MOB3B: variants seen among roughly 807,000 people sequenced by gnomAD.
MOB3B encodes the protein MOB kinase activator 3B.
In MOB3B, 7 loss-of-function variants were observed where a neutral mutation model predicts 18.7. That is an observed-to-expected ratio of 0.37 (90% confidence interval 0.21 to 0.70). The LOEUF (loss-of-function observed/expected upper bound fraction) is 0.70. MOB3B is among the 30% of genes least tolerant of loss of function. MOB3B has a pLI of 0.52. For synonymous variants in MOB3B, 111 were observed against 99.9 expected (o/e 1.11, Z -0.66); for missense variants, 253 against 281.3 (o/e 0.90, Z 0.72).
At chr9:27,398,379 T>A (rs1821831087) in intron 2 of MOB3B, among the ~76,000 whole-genome samples, 2 of 152,268 alleles carry the variant, frequency 1.3e-5, no homozygotes, top group Non-Finnish European at 1.5e-5. Flanking sequence ...GGGCAAGTTA[T>A]CTAATCTAGA....
At chr9:27,417,288 T>C (rs1445535522) in intron 2 of MOB3B, among the ~76,000 whole-genome samples, 1 of 152,138 alleles carries the variant, frequency 6.6e-6, no homozygotes, top group Admixed American at 6.6e-5. Flanking sequence ...GGTGTGAACC[T>C]GGGAGGCGGA....
rs529296587 is a variant in MOB3B, at chr9:27,358,943, A to G, written c.621+91T>C. 1.2e-4 allele frequency: 158 copies of G among 1,306,404 alleles called. No homozygotes were observed. The African/African-American group carries it at 1.4e-3, about 12-fold the overall frequency. 80.9% of individuals were successfully genotyped at this position (1,306,404 alleles called of 1,614,324 possible). The stretch of plus-strand genomic sequence containing the variant: ...CCCTCAGGCTAACAGCTAGCCATCA[A>G]TGAGCATTTTCCAGGGATTGACAAT... On this transcript the variant is annotated intron_variant, in intron 3 of 3. Coordinates refer to ENST00000262244, the MANE Select transcript of MOB3B (RefSeq NM_024761.5).
chr9:27,358,986 C>G (rs756636442), intron 3 of MOB3B, 48 bp downstream of exon 3: 1 of 1,580,142 alleles, frequency 6.3e-7, no homozygotes, highest in Non-Finnish European at 8.7e-7. Context: ...GACAAATGGC[C>G]GAGCTCCTGG....
intron 2 of MOB3B, among the ~76,000 whole-genome samples, chr9:27,386,385 A>C (rs1165730467): frequency 6.6e-6 from 1 of 152,228 alleles, no homozygotes; most frequent in Non-Finnish European, 1.5e-5. Flanking sequence ...ATGTTCAGTA[A>C]CAGCAACAAC....
At chr9:27,431,251 A>G (rs906108416) in intron 2 of MOB3B, among the ~76,000 whole-genome samples, 1 of 152,252 alleles carries the variant, frequency 6.6e-6, no homozygotes, top group African/African-American at 2.4e-5. Context: ...AAAGTTAAAC[A>G]AACATATTCC....
intron 2 of MOB3B, among the ~76,000 whole-genome samples, chr9:27,431,728 T>C (rs1234153347): frequency 6.6e-6 from 1 of 152,226 alleles, no homozygotes; most frequent in East Asian, 1.9e-4. Context: ...TCTGGGATTC[T>C]GAAATGCAAA....
At chr9:27,456,912 C>T (rs547298037) in intron 1 of MOB3B, among the ~76,000 whole-genome samples, 13 of 152,330 alleles carry the variant, frequency 8.5e-5, no homozygotes, top group African/African-American at 3.1e-4. Context: ...CACTGGATGG[C>T]ACAGCTCTGA....
chr9:27,439,450 A>T (rs1469850022), intron 2 of MOB3B, among the ~76,000 whole-genome samples: 1 of 152,190 alleles, frequency 6.6e-6, no homozygotes, highest in Admixed American at 6.5e-5. Context: ...AACACAAATT[A>T]TTGAACCATC....
chr9:27,375,723 C>T (rs1215909026), intron 2 of MOB3B, among the ~76,000 whole-genome samples: 2 of 152,092 alleles, frequency 1.3e-5, no homozygotes, highest in African/African-American at 4.8e-5. Flanking sequence ...AGAGCAAAAG[C>T]CCTTTTGCCC....
chr9:27,455,132 C>G lies in MOB3B; in HGVS notation c.418+1G>C. On this transcript the variant is annotated splice_donor_variant, in intron 2 of 3. Transcript: ENST00000262244. LOFTEE classifies it high-confidence loss of function. Reference sequence around the variant, plus strand: ...AAACTGAGAGCTGGTAATGAACTTACCCACGCATGTTGGAAATATTTCCTC... The same window carrying G: ...AAACTGAGAGCTGGTAATGAACTTAGCCACGCATGTTGGAAATATTTCCTC... 1 of 1,614,068 alleles carries G rather than the reference C, an allele frequency of 6.2e-7. No homozygotes were observed. Among genetic ancestry groups the G allele is most frequent in the Non-Finnish European group, 8.5e-7 (1 of 1,179,988 alleles).
chr9:27,522,927 A>AT (rs373430452), intron 1 of MOB3B, among the ~76,000 whole-genome samples: 26 of 150,916 alleles, frequency 1.7e-4, no homozygotes, highest in Middle Eastern at 3.4e-3. Context: ...ATATATATAT[A>AT]TTTTTTTCCG....
At chr9:27,522,712 C>T (rs1298376445) in intron 1 of MOB3B, among the ~76,000 whole-genome samples, 1 of 151,914 alleles carries the variant, frequency 6.6e-6, no homozygotes, top group African/African-American at 2.4e-5. Flanking sequence ...GGAATCAGTT[C>T]CTAGAGGATC....
At chr9:27,393,344 G>A (rs1011086906) in intron 2 of MOB3B, among the ~76,000 whole-genome samples, 1 of 151,838 alleles carries the variant, frequency 6.6e-6, no homozygotes, top group South Asian at 2.1e-4. Context: ...GCAGAGAAGT[G>A]CATGATTATT....
intron 2 of MOB3B, among the ~76,000 whole-genome samples, chr9:27,417,688 G>A (rs1443487434): frequency 2.6e-5 from 4 of 152,130 alleles, no homozygotes; most frequent in Non-Finnish European, 5.9e-5. Flanking sequence ...AAAAACCACC[G>A]TTTATTGAGG....
intron 3 of MOB3B, among the ~76,000 whole-genome samples, chr9:27,347,016 G>A (rs1821039014): frequency 6.6e-6 from 1 of 151,960 alleles, no homozygotes; most frequent in South Asian, 2.1e-4. Context: ...AAAATAAACA[G>A]AATTATACTA....
At chr9:27,339,422 G>A (rs1246828939) in intron 3 of MOB3B, among the ~76,000 whole-genome samples, 1 of 152,192 alleles carries the variant, frequency 6.6e-6, no homozygotes, top group Non-Finnish European at 1.5e-5. Flanking sequence ...ATGAAGCCGT[G>A]CCAGGTCACA....
intron 1 of MOB3B, among the ~76,000 whole-genome samples, chr9:27,521,764 C>A (rs1402563535): frequency 6.6e-6 from 1 of 152,108 alleles, no homozygotes; most frequent in Admixed American, 6.5e-5. Context: ...TATATTCCCA[C>A]ATACTGTGTG....
intron 2 of MOB3B, among the ~76,000 whole-genome samples, chr9:27,442,998 G>A (rs929262520): frequency 7.2e-5 from 11 of 152,058 alleles, no homozygotes; most frequent in Non-Finnish European, 1.2e-4. Context: ...GAATTTGCTC[G>A]CCCCAGACAA....
At chr9:27,470,457 T>G (rs1297077725) in intron 1 of MOB3B, among the ~76,000 whole-genome samples, 1 of 152,150 alleles carries the variant, frequency 6.6e-6, no homozygotes, top group Non-Finnish European at 1.5e-5. Context: ...GCCCCTGCCC[T>G]TTCTTTTGCC....
Sources: allele counts gnomAD v4.1 joint callset (sites outside exome capture counted in the v4.1 genomes callset), GRCh38; gene constraint gnomAD v4.1.1; transcripts MANE v1.5; gene names NCBI Gene and HGNC (gene_info 2026-07-23, HGNC 2026-07-21).